The following SLC35A3 variants were observed in gnomAD, a reference collection of about 807,000 sequenced individuals.
The protein encoded by SLC35A3 is solute carrier family 35 member A3.
In SLC35A3, 26 loss-of-function variants were observed where a neutral mutation model predicts 39.0. That is an observed-to-expected ratio of 0.67 (90% CI 0.49 to 0.92). SLC35A3 has a LOEUF of 0.92. Ranked by LOEUF, SLC35A3 falls within the 40% of genes least tolerant of loss-of-function variation. SLC35A3 has a pLI of 0.00. For synonymous variants in SLC35A3, 135 were observed against 133.1 expected (o/e 1.01, Z -0.10); for missense variants, 299 against 371.6 (o/e 0.80, Z 1.61).
At position 99,999,295 on chromosome 1, in the gene SLC35A3, T is replaced by C; in HGVS notation, c.222T>C (p.His74=). 1 of 1,587,784 alleles carries C rather than the reference T, an allele frequency of 6.3e-7. No individual in the cohort carries two copies. The highest frequency in any genetic ancestry group is 8.6e-7 in the Non-Finnish European group (1 of 1,168,016). ...TAAGAGCACTGAATCGAGTACTACA[T>C]GATGAAATTCTTAATAAACCTATGG... ...CSLRALNRVL[H]DEILNKPMET... The change falls in exon 3 of 8, where the codon CAT becomes CAC. Residue 74 remains histidine, a synonymous_variant. Coordinates refer to ENST00000533028, the MANE Select transcript of SLC35A3 (RefSeq NM_012243.3).
intron 7 of SLC35A3, 59 bp downstream of exon 7, chr1:100,017,874 C>A: frequency 2.0e-6 from 2 of 1,018,870 alleles, no homozygotes; most frequent in South Asian, 1.9e-5. Context: ...AATTAGAATT[C>A]TTTGTAAGGT....
At chr1:100,019,270 A>G (rs953351815) in intron 7 of SLC35A3, among the ~76,000 whole-genome samples, 1 of 152,130 alleles carries the variant, frequency 6.6e-6, no homozygotes, top group African/African-American at 2.4e-5. Context: ...ACAAAAGAGT[A>G]GTAGTTTGGC....
In SLC35A3 at chr1:100,030,817, TA is replaced by T. The variant is rs1180648760; in HGVS notation, c.*8343del. The stretch of plus-strand genomic sequence containing the variant: ...ATACAGCATTTTAAAATGATGATGC[TA>T]AGTGCTTTTTTAATATATGCATGCT... On this transcript the variant is annotated 3_prime_UTR_variant, in exon 8 of 8. Coordinates refer to ENST00000533028, the MANE Select transcript of SLC35A3 (RefSeq NM_012243.3). 1 of 152,230 alleles carries T rather than the reference TA, an allele frequency of 6.6e-6. No homozygotes were observed. The highest frequency in any genetic ancestry group is 1.5e-5 in the Non-Finnish European group (1 of 68,038). 9.4% of individuals were successfully genotyped at this position (152,230 alleles called of 1,614,324 possible). A position where few individuals can be genotyped will look rare whatever the true frequency, so the allele number is the denominator to read the frequency against.
intron 1 of SLC35A3, among the ~76,000 whole-genome samples, chr1:99,977,752 T>C (rs1265604293): frequency 6.6e-6 from 1 of 152,160 alleles, no homozygotes; most frequent in Non-Finnish European, 1.5e-5. Flanking sequence ...TTGCCCAGGC[T>C]GGTCTGGAAC....
intron 5 of SLC35A3, among the ~76,000 whole-genome samples, chr1:100,011,821 C>G (rs1287445798): frequency 2.0e-5 from 3 of 151,544 alleles, no homozygotes; most frequent in Non-Finnish European, 4.4e-5. Context: ...CAGGTTCACG[C>G]CATTCTCCAG....
At chr1:99,990,787 T>A (rs1017464514) in intron 1 of SLC35A3, among the ~76,000 whole-genome samples, 4 of 152,182 alleles carry the variant, frequency 2.6e-5, no homozygotes, top group African/African-American at 9.7e-5. Flanking sequence ...TATGATGGTA[T>A]TAAGAAGTAG....
rs765290929 is a variant in SLC35A3 at position 99,993,635 on chromosome 1, C to T, written c.81C>T (p.Ser27=). 1 of 1,613,878 alleles carries T rather than the reference C, an allele frequency of 6.2e-7. No individual in the cohort carries two copies. The highest frequency in any genetic ancestry group is 1.1e-5 in the South Asian group (1 of 91,068). ...GTTTGGTTCTAACAATGCGTTATTC[C>T]AGAACTTTAAAAGAAGAAGGACCTC... ...TTSLVLTMRY[S]RTLKEEGPRY... Residue 27 remains serine (S), a synonymous_variant, in exon 2 of 8, where the codon TCC becomes TCT. Transcript: ENST00000533028.
Position 99,993,547 on chromosome 1 carries a change from A to G in SLC35A3, c.-8A>G, listed in dbSNP as rs944438639. 8 of 1,613,620 alleles carry G rather than the reference A, an allele frequency of 5.0e-6. No individual in the cohort carries two copies. Among genetic ancestry groups the G allele is most frequent in the Non-Finnish European group, 6.8e-6 (8 of 1,179,826 alleles). ...TATTTTGTTTTTCAGGCAAATGAAG[A>G]TAAAACAATGTTCGCCAACCTAAAA... On this transcript the variant is annotated 5_prime_UTR_variant, in exon 2 of 8. Transcript: ENST00000533028.
chr1:99,986,142 A>T (rs552244464), intron 1 of SLC35A3, among the ~76,000 whole-genome samples: 151 of 150,428 alleles, frequency 1.0e-3, no homozygotes, highest in East Asian at 2.5e-3. Context: ...GTTACAAATG[A>T]TCATTTGTTT....
chr1:100,012,427 C>T (rs1659735581), intron 5 of SLC35A3, among the ~76,000 whole-genome samples: 1 of 151,766 alleles, frequency 6.6e-6, no homozygotes, highest in African/African-American at 2.4e-5. Flanking sequence ...TATTTGGTGA[C>T]TTCATAAGCT....
rs1015541941 is a variant in SLC35A3 at position 100,034,914 on chromosome 1, T to C, written c.*12438T>C. On this transcript the variant is annotated 3_prime_UTR_variant, in exon 8 of 8. Transcript: ENST00000533028. ...GCCTGATTCTTGGCCTTCTCATTAA[T>C]TTTCAAAACTTCCAATATCCTTCCA... The C allele has an allele frequency of 4.6e-5, 7 of 152,192 alleles. No homozygotes were observed. The highest frequency in any genetic ancestry group is 1.7e-4 in the African/African-American group (7 of 41,438). 9.4% of individuals were successfully genotyped at this position (152,192 alleles called of 1,614,324 possible). A position where few individuals can be genotyped will look rare whatever the true frequency, so the allele number is the denominator to read the frequency against.
At chr1:99,985,790 T>G (rs557226509) in intron 1 of SLC35A3, among the ~76,000 whole-genome samples, 1 of 152,294 alleles carries the variant, frequency 6.6e-6, no homozygotes, top group Admixed American at 6.5e-5. Flanking sequence ...ACCTCCTGGG[T>G]TAGGTGTATT....
At chr1:99,995,869 A>C (rs1025308199) in intron 2 of SLC35A3, among the ~76,000 whole-genome samples, 3 of 152,250 alleles carry the variant, frequency 2.0e-5, no homozygotes, top group Admixed American at 2.0e-4. Flanking sequence ...TCAGCAAAAG[A>C]AGACAGAAGC....
rs775151826 is a variant in SLC35A3, at chr1:99,993,575, C to T, written c.21C>T (p.Tyr7=). The T allele has an allele frequency of 2.5e-6, 4 of 1,613,802 alleles. No homozygotes were observed. The highest frequency in any genetic ancestry group is 4.5e-5 in the East Asian group (2 of 44,836). Residue 7 remains tyrosine, a synonymous_variant, in exon 2 of 8, where the codon TAC becomes TAT. Transcript: ENST00000533028. The part of the protein sequence containing the change: MFANLK[Y]VSLGILVFQT... ...AAACAATGTTCGCCAACCTAAAATACGTTTCCCTGGGAATTTTGGTCTTTC... is the reference window on the plus strand; with the variant it reads ...AAACAATGTTCGCCAACCTAAAATATGTTTCCCTGGGAATTTTGGTCTTTC...
At chr1:99,994,163 T>C (rs11166388) in intron 2 of SLC35A3, among the ~76,000 whole-genome samples, 10,113 of 152,170 alleles carry the variant, frequency 0.066, 445 homozygotes, top group African/African-American at 0.13. Context: ...AGCCATACAA[T>C]TTATGTGTTT....
At chr1:100,016,063 ATTTTTTTT>A in intron 6 of SLC35A3, among the ~76,000 whole-genome samples, 1 of 130,302 alleles carries the variant, frequency 7.7e-6, no homozygotes, top group African/African-American at 2.9e-5. Context: ...GGATACTTCT[ATTTTTTTT>A]TTTTTTTTTT....
chr1:100,012,563 A>G (rs917553761), intron 5 of SLC35A3, among the ~76,000 whole-genome samples: 1 of 152,188 alleles, frequency 6.6e-6, no homozygotes, highest in East Asian at 1.9e-4. Context: ...TCAAACATCA[A>G]ATTGTCAAAG....
intron 1 of SLC35A3, among the ~76,000 whole-genome samples, chr1:99,982,993 A>G (rs1186123458): frequency 2.6e-5 from 4 of 152,222 alleles, no homozygotes; most frequent in African/African-American, 9.6e-5. Flanking sequence ...TGATTGCTGT[A>G]TCAAATCAGT....
chr1:99,973,304 A>G (rs772359357), intron 1 of SLC35A3, among the ~76,000 whole-genome samples: 1 of 152,234 alleles, frequency 6.6e-6, no homozygotes, highest in South Asian at 2.1e-4. Flanking sequence ...AATGTCATTC[A>G]TGAGTATTAA....
Sources: gnomAD v4.1 joint callset for allele counts (sites outside exome capture counted in the v4.1 genomes callset) on GRCh38, gnomAD v4.1.1 for gene constraint, MANE v1.5 for transcripts, NCBI Gene and HGNC (gene_info 2026-07-23, HGNC 2026-07-21) for gene names.